DENND4A: variants seen among roughly 807,000 people sequenced by gnomAD.
The protein encoded by DENND4A is C-myc promoter-binding protein.
A neutral mutation model predicts 199.3 loss-of-function variants in DENND4A; 70 were observed. The ratio of observed to expected loss-of-function variants is 0.35; its 90% CI spans 0.29 to 0.43. DENND4A has a LOEUF of 0.43. DENND4A is among the 20% of genes least tolerant of loss of function. DENND4A has a pLI of 1.00. For missense variants in DENND4A, 1,723 were observed against 2,255.8 expected (o/e 0.76, Z 4.78); for synonymous variants, 686 against 766.9 (o/e 0.89, Z 1.74).
At chr15:65,741,332 T>C (rs775885401) in intron 5 of DENND4A, among the ~76,000 whole-genome samples, 2 of 152,248 alleles carry the variant, frequency 1.3e-5, no homozygotes, top group Admixed American at 1.3e-4. Flanking sequence ...AAACTCCAAA[T>C]TGGTTTATAA....
chr15:65,667,929 G>A lies in DENND4A; in HGVS notation c.4982C>T (p.Ala1661Val), dbSNP rs1566983486. 1 of 1,605,118 alleles carries A rather than the reference G, an allele frequency of 6.2e-7. No individual in the cohort carries two copies. Among genetic ancestry groups the A allele is most frequent in the Non-Finnish European group, 8.5e-7 (1 of 1,178,094 alleles). ...TGSLPATLQG[A>V]TDSLGLEWHL... ...AAAATACACCAAAATACATACTGTA[G>A]CTCCTTGTAAAGTAGCTGGCAGGCT... The change falls in exon 28 of 33, where the codon GCT becomes GTT. Residue 1661 changes from alanine to valine, a missense_variant. Physicochemically the swap from Ala to Val is moderately conservative, Grantham distance 64. This residue lies in a region of DENND4A where 141 missense variants were observed against 170.7 expected (regional missense o/e 0.83). Coordinates refer to ENST00000443035, the MANE Select transcript of DENND4A (RefSeq NM_001320835.1).
At chr15:65,727,164 C>T (rs1431096229) in intron 11 of DENND4A, among the ~76,000 whole-genome samples, 1 of 151,338 alleles carries the variant, frequency 6.6e-6, no homozygotes, top group African/African-American at 2.4e-5. Context: ...AAAAATTAGC[C>T]AGGCATGACC....
chr15:65,666,769 A>C (rs2076050782), intron 29 of DENND4A, among the ~76,000 whole-genome samples: 1 of 135,556 alleles, frequency 7.4e-6, no homozygotes, highest in Non-Finnish European at 1.5e-5. Context: ...ACAGGGCGAG[A>C]CCTTGTGTCA....
intron 5 of DENND4A, 145 bp downstream of exon 5, chr15:65,741,570 G>T: frequency 1.9e-6 from 1 of 523,418 alleles, no homozygotes; most frequent in Non-Finnish European, 3.3e-6. Flanking sequence ...AAACATATAA[G>T]TGAAGACAAA....
intron 14 of DENND4A, among the ~76,000 whole-genome samples, chr15:65,709,513 C>T (rs979473002): frequency 1.3e-5 from 2 of 151,522 alleles, no homozygotes; most frequent in African/African-American, 4.8e-5. Flanking sequence ...TGAGACCAAC[C>T]TGACCAACAT....
chr15:65,770,483 T>C (rs1169990143), intron 1 of DENND4A, among the ~76,000 whole-genome samples: 7 of 152,208 alleles, frequency 4.6e-5, no homozygotes, highest in Non-Finnish European at 1.0e-4. Context: ...GTATAGCATT[T>C]CATTTCTATG....
At chr15:65,788,378 G>C (rs2077624606) in intron 1 of DENND4A, among the ~76,000 whole-genome samples, 1 of 152,090 alleles carries the variant, frequency 6.6e-6, no homozygotes, top group Admixed American at 6.5e-5. Flanking sequence ...CCTGGCCAGC[G>C]CTGGTTAAGA....
chr15:65,734,327 T>C (rs935692147), intron 7 of DENND4A, among the ~76,000 whole-genome samples: 5 of 152,324 alleles, frequency 3.3e-5, no homozygotes, highest in African/African-American at 1.2e-4. Context: ...AGCACTTGAT[T>C]ATTTACCTTG....
In DENND4A at chr15:65,738,833, G is replaced by A; in HGVS notation, c.674C>T (p.Ser225Leu). The change falls in exon 6 of 33, where the codon TCA (serine) becomes TTA (leucine). Residue 225 changes from serine (S) to leucine (L), a missense_variant. Coordinates refer to ENST00000443035, the MANE Select transcript of DENND4A (RefSeq NM_001320835.1). ...AAATAGAGGAACAGATTCCGGTAGT[G>A]AGAATGACTCATAATCTTCTTGAGG... Reference protein sequence around the residue: ...RYPQEDYESFSLPESVPLFCL... With the variant: ...RYPQEDYESFLLPESVPLFCL... 6 of 1,609,014 alleles carry A rather than the reference G, an allele frequency of 3.7e-6. No individual in the cohort carries two copies. Among genetic ancestry groups the A allele is most frequent in the Non-Finnish European group, 4.2e-6 (5 of 1,178,094 alleles).
chr15:65,695,852 C>T (rs2077126882), intron 22 of DENND4A, among the ~76,000 whole-genome samples: 1 of 151,938 alleles, frequency 6.6e-6, no homozygotes, highest in Admixed American at 6.6e-5. Context: ...CTTTAGTTTT[C>T]TCATCTTTAA....
chr15:65,666,610 T>C (rs2076045374), intron 29 of DENND4A, among the ~76,000 whole-genome samples: 1 of 152,026 alleles, frequency 6.6e-6, no homozygotes, highest in Admixed American at 6.6e-5. Flanking sequence ...TGTATAGATA[T>C]CCTTAAAAAG....
At chr15:65,735,107 G>C (rs1301829302) in intron 7 of DENND4A, among the ~76,000 whole-genome samples, 3 of 151,398 alleles carry the variant, frequency 2.0e-5, no homozygotes, top group African/African-American at 7.3e-5. Context: ...GCAAGGCGCG[G>C]CGGCTCACAC....
At chr15:65,747,706 G>A (rs2076440161) in intron 4 of DENND4A, among the ~76,000 whole-genome samples, 1 of 151,936 alleles carries the variant, frequency 6.6e-6, no homozygotes, top group East Asian at 1.9e-4. Flanking sequence ...TTAACCCTCA[G>A]TATCTCATGT....
chr15:65,727,779 T>C (rs1156636190), intron 11 of DENND4A: 1 of 370,852 alleles, frequency 2.7e-6, no homozygotes, highest in African/African-American at 2.2e-5. Context: ...CTGAATAGAT[T>C]AAGTATGATT....
At chr15:65,669,605 A>C (rs978579481) in intron 27 of DENND4A, among the ~76,000 whole-genome samples, 174 bp downstream of exon 27, 1 of 152,228 alleles carries the variant, frequency 6.6e-6, no homozygotes, top group Non-Finnish European at 1.5e-5. Flanking sequence ...ACATATTTAA[A>C]GATTTATGTG....
chr15:65,788,079 TTA>T lies in DENND4A; in HGVS notation c.-102+3929_-102+3930del, dbSNP rs770099887. ...AGGTTAGTGCTGGTTATTTATTTAT[TTA>T]TTTTTTTTTTTTTGAGACAGAGTCT... On this transcript the variant is annotated intron_variant, in intron 1 of 32. Coordinates refer to ENST00000443035, the MANE Select transcript of DENND4A (RefSeq NM_001320835.1). Among the ~76,000 whole-genome samples, 37 of 151,608 alleles carry T rather than the reference TTA, an allele frequency of 2.4e-4. No individual in the cohort carries two copies. In the East Asian group the frequency reaches 3.9e-3, roughly 16 times the overall value.
At chr15:65,783,854 A>G (rs1223660393) in intron 1 of DENND4A, among the ~76,000 whole-genome samples, 1 of 152,218 alleles carries the variant, frequency 6.6e-6, no homozygotes, top group African/African-American at 2.4e-5. Context: ...GACTATCCAT[A>G]GCAGAAGAAT....
chr15:65,787,891 A>T (rs1482091375), intron 1 of DENND4A, among the ~76,000 whole-genome samples: 4 of 152,188 alleles, frequency 2.6e-5, no homozygotes, highest in African/African-American at 4.8e-5. Flanking sequence ...ATAATCAAAG[A>T]CCATTGCCTA....
intron 2 of DENND4A, among the ~76,000 whole-genome samples, chr15:65,757,747 C>T (rs1416123433): frequency 6.6e-6 from 1 of 152,112 alleles, no homozygotes; most frequent in African/African-American, 2.4e-5. Flanking sequence ...TTTTGGGAGG[C>T]CGAGGAGGGC....
Sources: gnomAD v4.1 joint callset for allele counts (sites outside exome capture counted in the v4.1 genomes callset) on GRCh38, gnomAD v4.1.1 for gene constraint, gnomAD v4.1.1 regional missense constraint, MANE v1.5 for transcripts, NCBI Gene and HGNC (gene_info 2026-07-23, HGNC 2026-07-21) for gene names.